The following TAF4 variants were observed in gnomAD, a reference collection of about 807,000 sequenced individuals.
TAF4 encodes the protein transcription initiation factor TFIID subunit 4.
A neutral mutation model predicts 90.3 loss-of-function variants in TAF4; 9 were observed. The ratio of observed to expected loss-of-function variants is 0.10; its 90% CI spans 0.06 to 0.17. TAF4 has a LOEUF of 0.17. TAF4 is among the 10% of genes least tolerant of loss of function. The probability of loss-of-function intolerance (pLI) is 1.00; values close to 1 mark genes in which losing one functional copy is unlikely to be tolerated. For missense variants in TAF4, 1,351 were observed against 1,370.7 expected, an observed-to-expected ratio of 0.99 and a Z score of 0.23; for synonymous variants, 818 against 638.9, an observed-to-expected ratio of 1.28 and a Z score of -4.23.
chr20:62,033,021 A>G (rs577603539), intron 1 of TAF4, among the ~76,000 whole-genome samples: 62 of 151,960 alleles, frequency 4.1e-4, no homozygotes, highest in Non-Finnish European at 7.9e-4. Flanking sequence ...CGGGGGGAAA[A>G]AAAGAGGGGA....
At position 62,065,509 on chromosome 20, in the gene TAF4, C is replaced by T; in HGVS notation, c.302G>A (p.Gly101Glu). The T allele has an allele frequency of 1.0e-6, 1 of 973,950 alleles. No homozygotes were observed. The highest frequency in any genetic ancestry group is 1.2e-6 in the Non-Finnish European group (1 of 823,274). 60.3% of individuals were successfully genotyped at this position (973,950 alleles called of 1,614,324 possible). The change falls in exon 1 of 15, where the codon GGG becomes GAG. Residue 101 changes from glycine (G) to glutamate (E), a missense_variant. Transcript: ENST00000252996. ...TGAGGGGGGGCCCGGGCGCTGCGGC[C>T]CCCCGCCCCCCGGCCGCGCTCTACC... ...PAGRARPGGGGPQRPGPPSPR... is the reference protein window; with the variant it reads ...PAGRARPGGGEPQRPGPPSPR...
intron 1 of TAF4, among the ~76,000 whole-genome samples, chr20:62,034,728 T>C (rs1368183653): frequency 6.6e-6 from 1 of 152,040 alleles, no homozygotes; most frequent in African/African-American, 2.4e-5. Flanking sequence ...GTAAGACCTA[T>C]ATGAAAAAGA....
chr20:62,028,865 T>C (rs891715014), intron 1 of TAF4, among the ~76,000 whole-genome samples: 5 of 152,128 alleles, frequency 3.3e-5, no homozygotes, highest in African/African-American at 9.7e-5. Flanking sequence ...TACCAACCCC[T>C]GTGTCAGCTA....
intron 7 of TAF4, among the ~76,000 whole-genome samples, chr20:62,004,312 T>C (rs1460852906): frequency 7.1e-6 from 1 of 140,176 alleles, no homozygotes. Context: ...CTGAATTTTC[T>C]TTTTTCTTTT....
intron 14 of TAF4, among the ~76,000 whole-genome samples, chr20:61,978,581 G>A (rs561574128): frequency 4.7e-5 from 7 of 148,996 alleles, no homozygotes; most frequent in East Asian, 4.1e-4. Flanking sequence ...AACCAAGGCC[G>A]GGGGCGAGAC....
At chr20:62,029,821 G>A (rs558730272) in intron 1 of TAF4, among the ~76,000 whole-genome samples, 6 of 152,258 alleles carry the variant, frequency 3.9e-5, no homozygotes, top group East Asian at 1.9e-4. Context: ...CAAGAGAATC[G>A]CTTGAACCCG....
chr20:62,039,795 A>C (rs1376702351), intron 1 of TAF4, among the ~76,000 whole-genome samples: 1 of 152,130 alleles, frequency 6.6e-6, no homozygotes, highest in Non-Finnish European at 1.5e-5. Flanking sequence ...TACTAAATCA[A>C]TAATGACAAA....
chr20:62,018,334 C>T (rs1181422905), intron 1 of TAF4, among the ~76,000 whole-genome samples: 1 of 152,252 alleles, frequency 6.6e-6, no homozygotes, highest in Non-Finnish European at 1.5e-5. Flanking sequence ...CGCCATGTTT[C>T]CGAGAGGTTC....
intron 14 of TAF4, among the ~76,000 whole-genome samples, chr20:61,990,444 G>A (rs2055624175): frequency 6.6e-6 from 1 of 152,210 alleles, no homozygotes; most frequent in African/African-American, 2.4e-5. Context: ...CAACGACACA[G>A]CAAAACCAAA....
At chr20:62,049,373 GCAGCCACAACACA>G (rs1348669988) in intron 1 of TAF4, among the ~76,000 whole-genome samples, 4 of 152,256 alleles carry the variant, frequency 2.6e-5, no homozygotes, top group Admixed American at 6.5e-5. Flanking sequence ...CCAGCATCCA[GCAGCCACAACACA>G]CAGGCCCACT....
At chr20:62,002,675 T>C (rs1247538566) in intron 9 of TAF4, among the ~76,000 whole-genome samples, 13 of 152,124 alleles carry the variant, frequency 8.5e-5, no homozygotes, top group Non-Finnish European at 1.6e-4. Flanking sequence ...TTTTTTGTTG[T>C]TGTTGAGTAA....
At chr20:61,994,021 G>C (rs151137817) in intron 14 of TAF4, among the ~76,000 whole-genome samples, 149 of 152,146 alleles carry the variant, frequency 9.8e-4, no homozygotes, top group Non-Finnish European at 1.9e-3. Flanking sequence ...AAAGTGCTGG[G>C]ATTACAACGT....
chr20:62,041,246 A>G (rs1420115397), intron 1 of TAF4, among the ~76,000 whole-genome samples: 2 of 152,226 alleles, frequency 1.3e-5, no homozygotes, highest in Non-Finnish European at 2.9e-5. Context: ...CAATCTGTGC[A>G]CTTACAAGGG....
Position 62,010,316 on chromosome 20 carries a change from C to A in TAF4, c.1642-151G>T, listed in dbSNP as rs764264972. 19 of 1,188,968 alleles carry A rather than the reference C, an allele frequency of 1.6e-5. No individual in the cohort carries two copies. Among genetic ancestry groups the A allele is most frequent in the Non-Finnish European group, 2.2e-5 (19 of 850,810 alleles). The allele number at this position is 1,188,968 out of a possible 1,614,324, so 73.7% of individuals were successfully genotyped here. On this transcript the variant is annotated intron_variant, in intron 3 of 14. Coordinates refer to ENST00000252996, the MANE Select transcript of TAF4 (RefSeq NM_003185.4). The surrounding 1 kb of genome is among the most constrained non-coding windows in gnomAD (Gnocchi z 4.5). The stretch of plus-strand genomic sequence containing the variant: ...AGGACCCCGGCCACCTGCCAGCCCG[C>A]TGGACACGGGAGTGCTGCTGGGAGG...
At chr20:62,050,342 C>T (rs1303116692) in intron 1 of TAF4, among the ~76,000 whole-genome samples, 1 of 152,128 alleles carries the variant, frequency 6.6e-6, no homozygotes, top group African/African-American at 2.4e-5. Flanking sequence ...CCTTCTCCTG[C>T]CAGTCTGGAC....
chr20:62,018,353 C>A (rs1382280177), intron 1 of TAF4, among the ~76,000 whole-genome samples: 1 of 152,262 alleles, frequency 6.6e-6, no homozygotes, highest in East Asian at 1.9e-4. Flanking sequence ...TCTCACAGTT[C>A]TGGGTCCTGT....
At chr20:61,978,600 G>A (rs181834037) in intron 14 of TAF4, among the ~76,000 whole-genome samples, 1,942 of 149,128 alleles carry the variant, frequency 0.013, 109 homozygotes, top group African/African-American at 0.046. Context: ...ACCAACCAAA[G>A]GAGGGGGCGA....
At chr20:61,981,718 T>C (rs2055542147) in intron 14 of TAF4, among the ~76,000 whole-genome samples, 1 of 151,824 alleles carries the variant, frequency 6.6e-6, no homozygotes, top group Non-Finnish European at 1.5e-5. Flanking sequence ...ATTCACACCA[T>C]GACCCAGGAG....
chr20:62,000,806 C>A (rs1260974357), intron 9 of TAF4, 85 bp from the exon 10 acceptor site: 2 of 1,487,122 alleles, frequency 1.3e-6, no homozygotes, highest in African/African-American at 1.4e-5. Flanking sequence ...GGAAACCCCA[C>A]GTGGAAGGCA....
Sources: gnomAD v4.1 joint callset for allele counts (sites outside exome capture counted in the v4.1 genomes callset) on GRCh38, gnomAD v4.1.1 for gene constraint, Gnocchi (gnomAD v3.1) non-coding constraint, MANE v1.5 for transcripts, NCBI Gene and HGNC (gene_info 2026-07-23, HGNC 2026-07-21) for gene names.